The following XPO7 variants were observed in gnomAD, a reference collection of about 807,000 sequenced individuals.
XPO7 encodes exportin-7.
In XPO7, 21 loss-of-function variants were observed where a neutral mutation model predicts 144.3. The ratio of observed to expected loss-of-function variants is 0.15; its 90% CI spans 0.10 to 0.21. The LOEUF (loss-of-function observed/expected upper bound fraction) is 0.21, where lower values mean the gene tolerates loss of function less well. Ranked by LOEUF, XPO7 falls within the 10% of genes least tolerant of loss-of-function variation. The pLI is 1.00. For synonymous variants in XPO7, 580 were observed against 499.6 expected (o/e 1.16, Z -2.15); for missense variants, 808 against 1,325.8 (o/e 0.61, Z 6.06).
At chr8:21,943,561 G>C (rs1351911948) in intron 1 of XPO7, among the ~76,000 whole-genome samples, 2 of 152,090 alleles carry the variant, frequency 1.3e-5, no homozygotes, top group African/African-American at 2.4e-5. Context: ...AGTATTAAAG[G>C]GTGAGTCATT....
At chr8:21,983,751 A>C (rs1411318815) in intron 11 of XPO7, among the ~76,000 whole-genome samples, 1 of 152,230 alleles carries the variant, frequency 6.6e-6, no homozygotes. Flanking sequence ...AAATTCAAAT[A>C]ATAATAGGCC....
Position 21,958,277 on chromosome 8 carries a change from C to G in XPO7, c.19-8580C>G, listed in dbSNP as rs76869449. Among the ~76,000 whole-genome samples the G allele has an allele frequency of 4.4e-3, 664 of 152,018 alleles. 5 individuals carry two copies. The highest frequency in any genetic ancestry group is 0.015 in the African/African-American group (626 of 41,488). On this transcript the variant is annotated intron_variant, in intron 1 of 27. Coordinates refer to ENST00000252512, the MANE Select transcript of XPO7 (RefSeq NM_015024.5). Reference sequence around the variant, plus strand: ...AGAACACTGAATTAGCAAATACTGACCCATTGCTCCTAGGGGAAGTATAGG... The same window carrying G: ...AGAACACTGAATTAGCAAATACTGAGCCATTGCTCCTAGGGGAAGTATAGG...
intron 24 of XPO7, among the ~76,000 whole-genome samples, chr8:22,000,516 G>C (rs924741661): frequency 1.0e-4 from 15 of 148,898 alleles, no homozygotes; most frequent in African/African-American, 3.0e-4. Flanking sequence ...GCAGTGGCGC[G>C]ATCTCAGCTC....
chr8:21,985,941 G>C (rs1386993380), intron 13 of XPO7, among the ~76,000 whole-genome samples: 1 of 152,180 alleles, frequency 6.6e-6, no homozygotes, highest in Admixed American at 6.5e-5. Flanking sequence ...TTCTCTGTTA[G>C]GTCTTTTTAC....
At chr8:21,960,760 C>A (rs1209679430) in intron 1 of XPO7, among the ~76,000 whole-genome samples, 4 of 152,192 alleles carry the variant, frequency 2.6e-5, no homozygotes, top group Non-Finnish European at 5.9e-5. Context: ...TACCTTAGTT[C>A]TTCCTGAGAA....
chr8:21,919,839 A>G, intron 1 of XPO7, 51 bp downstream of exon 1: 1 of 349,644 alleles, frequency 2.9e-6, no homozygotes, highest in East Asian at 5.5e-5. Flanking sequence ...CGGCGAGTGG[A>G]GTCGGGGGTG....
In XPO7 at chr8:21,970,178, G is replaced by T. The variant is rs138942595; in HGVS notation, c.294G>T (p.Pro98=). The T allele has an allele frequency of 1.4e-5, 23 of 1,613,200 alleles. No individual in the cohort carries two copies. Among genetic ancestry groups the T allele is most frequent in the Non-Finnish European group, 1.9e-5 (22 of 1,179,640 alleles). The change falls in exon 4 of 28, where the codon CCG becomes CCT. Residue 98 remains proline (P), a synonymous_variant. Coordinates refer to ENST00000252512, the MANE Select transcript of XPO7 (RefSeq NM_015024.5). Reference sequence around the variant, plus strand: ...TGCTCAACTACCTTGCCACTCGGCCGAAGTTGGCTACTTTCGTGACACAAG... The same window carrying T: ...TGCTCAACTACCTTGCCACTCGGCCTAAGTTGGCTACTTTCGTGACACAAG... ...NYVLNYLATR[P]KLATFVTQAL... is the part of the protein sequence containing the mutation.
At chr8:21,941,849 A>C (rs888286093) in intron 1 of XPO7, among the ~76,000 whole-genome samples, 1 of 152,128 alleles carries the variant, frequency 6.6e-6, no homozygotes, top group African/African-American at 2.4e-5. Context: ...TGAATTTTTT[A>C]AATTTTCGTT....
chr8:21,989,193 CAT>C, intron 16 of XPO7, 110 bp downstream of exon 16: 3 of 974,460 alleles, frequency 3.1e-6, no homozygotes, highest in Non-Finnish European at 3.0e-6. Flanking sequence ...TGTGTACTCA[CAT>C]ATCTTCCATT....
chr8:21,960,112 C>T (rs1332548665), intron 1 of XPO7, among the ~76,000 whole-genome samples: 1 of 152,210 alleles, frequency 6.6e-6, no homozygotes, highest in African/African-American at 2.4e-5. Context: ...CCGTGGGGAA[C>T]TGGAGAGAGC....
intron 5 of XPO7, among the ~76,000 whole-genome samples, chr8:21,972,285 C>A (rs1812088487): frequency 6.6e-6 from 1 of 152,042 alleles, no homozygotes; most frequent in Non-Finnish European, 1.5e-5. Flanking sequence ...CAAGACCAGC[C>A]TGGCTAACAT....
At chr8:21,991,103 G>A (rs145425491) in intron 18 of XPO7, among the ~76,000 whole-genome samples, 184 bp downstream of exon 18, 19 of 152,312 alleles carry the variant, frequency 1.2e-4, no homozygotes, top group Non-Finnish European at 2.1e-4. Flanking sequence ...ATAACTGGAA[G>A]AGAGTAACAG....
At chr8:21,982,619 T>C (rs1457321787) in intron 10 of XPO7, 21 bp from the exon 11 acceptor site, 1 of 1,558,870 alleles carries the variant, frequency 6.4e-7, no homozygotes. Context: ...ATATGCCTTC[T>C]GCTTTTCTAC....
chr8:21,943,673 G>C (rs1811067053), intron 1 of XPO7, among the ~76,000 whole-genome samples: 1 of 152,110 alleles, frequency 6.6e-6, no homozygotes, highest in Non-Finnish European at 1.5e-5. Context: ...TAGGGCTAAG[G>C]TGAGAATTCT....
chr8:21,985,325 T>G (rs1311873915), intron 12 of XPO7, among the ~76,000 whole-genome samples: 1 of 152,262 alleles, frequency 6.6e-6, no homozygotes, highest in Admixed American at 6.5e-5. Flanking sequence ...AACATGGCAC[T>G]GTGCCCAGCT....
At chr8:21,974,983 A>C (rs3816788) in intron 6 of XPO7, among the ~76,000 whole-genome samples, 90,914 of 152,082 alleles carry the variant, frequency 0.6, 27,823 homozygotes, top group African/African-American at 0.74. Context: ...TTCCCTGTTT[A>C]AGCTCAATTC....
rs1812513737 is a variant in XPO7 at position 21,984,533 on chromosome 8, A to G, written c.1278-113A>G. 14 of 962,970 alleles carry G rather than the reference A, an allele frequency of 1.5e-5. 1 individual carries two copies. The South Asian group carries it at 1.9e-4, about 13-fold the overall frequency. 59.7% of individuals were successfully genotyped at this position (962,970 alleles called of 1,614,324 possible). A position where few individuals can be genotyped will look rare whatever the true frequency, so the allele number is the denominator to read the frequency against. ...TTGGTTAAAAGTAATGTCGGGATGT[A>G]GACCTCTACAGTCAGAAATGGTGGC... On this transcript the variant is annotated intron_variant, in intron 11 of 27. Coordinates refer to ENST00000252512, the MANE Select transcript of XPO7 (RefSeq NM_015024.5).
intron 25 of XPO7, 118 bp downstream of exon 25, chr8:22,002,390 G>A: frequency 8.0e-7 from 1 of 1,257,132 alleles, no homozygotes; most frequent in South Asian, 1.5e-5. Flanking sequence ...CTGCTGCTGA[G>A]ATGAAGTCCG....
chr8:21,991,606 A>G (rs954048336), intron 18 of XPO7: 23 of 319,806 alleles, frequency 7.2e-5, no homozygotes, highest in African/African-American at 4.9e-4. Context: ...AGTACCTTAC[A>G]CACATATGAA....
Sources: allele counts gnomAD v4.1 joint callset (sites outside exome capture counted in the v4.1 genomes callset), GRCh38; gene constraint gnomAD v4.1.1; transcripts MANE v1.5; gene names NCBI Gene and HGNC (gene_info 2026-07-23, HGNC 2026-07-21).